The following NIPA2 variants were observed in gnomAD, a reference collection of about 807,000 sequenced individuals.
The protein encoded by NIPA2 is NIPA magnesium transporter 2.
A neutral mutation model predicts 29.7 loss-of-function variants in NIPA2; 11 were observed. That is an observed-to-expected ratio of 0.37 (90% CI 0.23 to 0.61). The LOEUF is 0.61. Among genes scored for constraint, NIPA2 ranks in the 20% least tolerant of loss-of-function variants. The pLI, the probability that NIPA2 is intolerant of heterozygous loss-of-function variation, is 0.66. For missense variants in NIPA2, 426 were observed against 437.9 expected, an observed-to-expected ratio of 0.97 and a Z score of 0.24; for synonymous variants, 183 against 161.9, an observed-to-expected ratio of 1.13 and a Z score of -0.99.
chr15:22,844,436 C>T (rs1177125102), intron 2 of NIPA2, among the ~76,000 whole-genome samples: 1 of 152,034 alleles, frequency 6.6e-6, no homozygotes, highest in African/African-American at 2.4e-5. Context: ...CGTCTGTAAT[C>T]CCAGCTATGC....
chr15:22,866,760 T>TAATA lies in NIPA2; in HGVS notation c.998_1001dup (p.Asn334LysfsTer2), dbSNP rs774680723. On this transcript the variant is annotated frameshift_variant, in exon 8 of 8. Transcript: ENST00000337451. LOFTEE classifies it high-confidence loss of function. ...TCTCTAATATGTATGAAGTTCTTAA[T>TAATA]AATAATGAAGAAAGCTTAACCTGTG... is the stretch of plus-strand genomic sequence containing the variant. 1.6e-5 allele frequency: 26 copies of TAATA among 1,613,680 alleles called. No homozygotes were observed. The Admixed American group carries it at 3.7e-4, about 23-fold the overall frequency.
chr15:22,866,119 T>C, intron 7 of NIPA2, 94 bp from the exon 8 acceptor site: 1 of 1,020,780 alleles, frequency 9.8e-7, no homozygotes, highest in Middle Eastern at 2.4e-4. Context: ...GCCATACCTT[T>C]TCTCCCTATC....
At chr15:22,841,892 C>T (rs1211216875) in intron 2 of NIPA2, among the ~76,000 whole-genome samples, 1 of 152,098 alleles carries the variant, frequency 6.6e-6, no homozygotes, top group Non-Finnish European at 1.5e-5. Flanking sequence ...AACTGCACAC[C>T]CGCTCATACC....
chr15:22,846,846 T>A lies in NIPA2; in HGVS notation c.-94+1579T>A, dbSNP rs368835497. ...TAATAATAATAATAATAATAATTATTATTATTATTATTTAAATTTGGATTT... is the reference window on the plus strand; with the variant it reads ...TAATAATAATAATAATAATAATTATAATTATTATTATTTAAATTTGGATTT... On this transcript the variant is annotated intron_variant, in intron 3 of 7. Coordinates refer to ENST00000337451, the MANE Select transcript of NIPA2 (RefSeq NM_030922.7). 4.5e-3 allele frequency among the ~76,000 whole-genome samples: 511 copies of A among 114,012 alleles called. 2 individuals are homozygous for A. The highest frequency in any genetic ancestry group is 0.02 in the Middle Eastern group (4 of 200). 74.8% of individuals were successfully genotyped at this position (114,012 alleles called of 152,430 possible).
At chr15:22,849,495 G>A (rs2057553007) in intron 3 of NIPA2, among the ~76,000 whole-genome samples, 1 of 152,024 alleles carries the variant, frequency 6.6e-6, no homozygotes. Context: ...TCATCCATGA[G>A]ATTATGACTG....
At chr15:22,848,072 A>G (rs1038162741) in intron 3 of NIPA2, among the ~76,000 whole-genome samples, 29 of 152,176 alleles carry the variant, frequency 1.9e-4, no homozygotes, top group African/African-American at 7.0e-4. Context: ...TGCTGGGATT[A>G]CAGGCGTGAG....
At chr15:22,864,533 C>G (rs550924377) in intron 7 of NIPA2, among the ~76,000 whole-genome samples, 1 of 152,304 alleles carries the variant, frequency 6.6e-6, no homozygotes, top group African/African-American at 2.4e-5. Context: ...TGGCTGTGGG[C>G]ATCCTGGGAA....
In NIPA2 at chr15:22,866,996, T is replaced by C; in HGVS notation, c.*149T>C. On this transcript the variant is annotated 3_prime_UTR_variant, in exon 8 of 8. Transcript: ENST00000337451. ...ACTAATTTGGACCAAGAAATTACTTTTCTTGTATTTAAACAAACAATGGTA... is the reference window on the plus strand; with the variant it reads ...ACTAATTTGGACCAAGAAATTACTTCTCTTGTATTTAAACAAACAATGGTA... 1.4e-6 allele frequency: 1 copy of C among 730,398 alleles called. No individual in the cohort carries two copies. The highest frequency in any genetic ancestry group is 2.2e-6 in the Non-Finnish European group (1 of 465,044). 45.2% of individuals were successfully genotyped at this position (730,398 alleles called of 1,614,324 possible). A position where few individuals can be genotyped will look rare whatever the true frequency, so the allele number is the denominator to read the frequency against.
chr15:22,852,809 T>G (rs1488152519), intron 4 of NIPA2, among the ~76,000 whole-genome samples: 1 of 152,152 alleles, frequency 6.6e-6, no homozygotes, highest in Non-Finnish European at 1.5e-5. Flanking sequence ...GATTGGACCT[T>G]ATGAGGAGAG....
intron 5 of NIPA2, 80 bp from the exon 6 acceptor site, chr15:22,858,460 A>T: frequency 1.4e-6 from 1 of 719,078 alleles, no homozygotes; most frequent in South Asian, 1.7e-5. Flanking sequence ...TAATATATAG[A>T]TAGTGCATAA....
chr15:22,840,605 G>A (rs1380187967), intron 2 of NIPA2, among the ~76,000 whole-genome samples: 1 of 152,034 alleles, frequency 6.6e-6, no homozygotes. Flanking sequence ...CGACCTAAGA[G>A]CTCTAAAGTG....
intron 7 of NIPA2, among the ~76,000 whole-genome samples, chr15:22,864,926 A>C (rs1223615526): frequency 6.6e-6 from 1 of 151,936 alleles, no homozygotes; most frequent in African/African-American, 2.4e-5. Flanking sequence ...CAGTGGCATG[A>C]TCTCAGCTCA....
rs1268416019 is a variant in NIPA2, at chr15:22,839,766, AAG to A, written c.-234_-233del. 2 of 152,160 alleles carry A rather than the reference AAG, an allele frequency of 1.3e-5. No homozygotes were observed. The allele number at this position is 152,160 out of a possible 1,614,324, so 9.4% of individuals were successfully genotyped here. On this transcript the variant is annotated 5_prime_UTR_variant, in exon 2 of 8. It removes the in-frame stop codon of an upstream open reading frame in the 5' UTR. Coordinates refer to ENST00000337451, the MANE Select transcript of NIPA2 (RefSeq NM_030922.7). ...TAACCTCTCCCAGCCTTTTTTTCAT[AAG>A]AGAGACCATATTAAACTTACATGTA...
rs533793714 is a variant in NIPA2, at chr15:22,843,026, A to G, written c.-215-2120A>G. The stretch of plus-strand genomic sequence containing the variant: ...TCAAAAAAAAAAAAAAGAGAGATCT[A>G]AAAGGTAGGTTTGGAACAAATGATG... On this transcript the variant is annotated intron_variant, in intron 2 of 7. Coordinates refer to ENST00000337451, the MANE Select transcript of NIPA2 (RefSeq NM_030922.7). 1.5e-4 allele frequency among the ~76,000 whole-genome samples: 23 copies of G among 151,748 alleles called. 1 individual carries two copies. Among genetic ancestry groups the G allele is most frequent in the African/African-American group, 4.4e-4 (18 of 41,334 alleles).
At chr15:22,866,184 C>G (rs1370115702) in intron 7 of NIPA2, 29 bp from the exon 8 acceptor site, 5 of 1,588,514 alleles carry the variant, frequency 3.1e-6, no homozygotes, top group Admixed American at 1.7e-5. Flanking sequence ...AACCATTTGA[C>G]TCATGTAACT....
At chr15:22,851,917 A>G (rs746691319) in intron 4 of NIPA2, 47 bp downstream of exon 4, 2 of 1,530,384 alleles carry the variant, frequency 1.3e-6, no homozygotes, top group South Asian at 1.2e-5. Flanking sequence ...GTGTCTACCT[A>G]CATGCACAGG....
chr15:22,866,168 A>C (rs531389453), intron 7 of NIPA2, 45 bp from the exon 8 acceptor site: 12 of 1,533,986 alleles, frequency 7.8e-6, no homozygotes, highest in African/African-American at 4.1e-5. Context: ...GTGTTTAAGA[A>C]CAACCAACCA....
In NIPA2 at chr15:22,846,826, A is replaced by ATAG; in HGVS notation, c.-94+1561_-94+1562insGTA. Among the ~76,000 whole-genome samples, 2 of 115,654 alleles carry ATAG rather than the reference A, an allele frequency of 1.7e-5. 1 individual carries two copies. The highest frequency in any genetic ancestry group is 2.1e-4 in the Admixed American group (2 of 9,750). The allele number at this position is 115,654 out of a possible 152,430, so 75.9% of individuals were successfully genotyped here. ...ATGAGACCCTGTCTCCAAAATAATA[A>ATAG]TAATAATAATAATAATTATTATTAT... On this transcript the variant is annotated intron_variant, in intron 3 of 7. Transcript: ENST00000337451.
chr15:22,850,821 G>C (rs1057416503), intron 3 of NIPA2, among the ~76,000 whole-genome samples: 3 of 152,188 alleles, frequency 2.0e-5, no homozygotes, highest in African/African-American at 4.8e-5. Context: ...GAACTCCGAA[G>C]TTAAATTGTG....
Sources: allele counts gnomAD v4.1 joint callset (sites outside exome capture counted in the v4.1 genomes callset), GRCh38; gene constraint gnomAD v4.1.1; transcripts MANE v1.5; gene names NCBI Gene and HGNC (gene_info 2026-07-23, HGNC 2026-07-21).